Variants in MYH7B observed in about 807,000 individuals in gnomAD.
The protein encoded by MYH7B is myosin heavy chain 7B.
A neutral mutation model predicts 234.5 loss-of-function variants in MYH7B; 205 were observed. The ratio of observed to expected loss-of-function variants is 0.87; its 90% CI spans 0.78 to 0.98. MYH7B has a LOEUF of 0.98. Among genes scored for constraint, MYH7B ranks in the 50% least tolerant of loss-of-function variants. The probability of loss-of-function intolerance (pLI) is 0.00; values close to 1 mark genes in which losing one functional copy is unlikely to be tolerated. For synonymous variants in MYH7B, 1,193 were observed against 1,105.0 expected, an observed-to-expected ratio of 1.08 and a Z score of -1.58; for missense variants, 2,652 against 2,633.4, an observed-to-expected ratio of 1.01 and a Z score of -0.15.
intron 7 of MYH7B, 68 bp from the exon 8 acceptor site, chr20:34,980,510 C>A: frequency 1.4e-6 from 2 of 1,394,406 alleles, no homozygotes; most frequent in Admixed American, 1.7e-5. Context: ...TGTACTCCAG[C>A]CTGGGAGACA....
chr20:34,959,867 C>A (rs74937561), intron 2 of MYH7B, among the ~76,000 whole-genome samples: 2,071 of 152,294 alleles, frequency 0.014, 42 homozygotes, highest in African/African-American at 0.047. Flanking sequence ...TGGCTAATGA[C>A]TTTACAGTCG....
chr20:34,970,500 G>A (rs929879793), intron 2 of MYH7B, among the ~76,000 whole-genome samples: 1 of 152,230 alleles, frequency 6.6e-6, no homozygotes, highest in African/African-American at 2.4e-5. Flanking sequence ...GAGATCATCA[G>A]GTGGCCCTGG....
At chr20:34,977,704 G>A in intron 4 of MYH7B, 24 bp downstream of exon 4, 1 of 1,509,898 alleles carries the variant, frequency 6.6e-7, no homozygotes, top group Non-Finnish European at 9.0e-7. Flanking sequence ...GCTGGGGTTG[G>A]AGCCGAAGGG....
In MYH7B at chr20:34,989,200, T is replaced by A. The variant is rs150511559; in HGVS notation, c.1588-540T>A. Among the ~76,000 whole-genome samples, 31 of 152,356 alleles carry A rather than the reference T, an allele frequency of 2.0e-4. No homozygotes were observed. The East Asian group carries it at 5.8e-3, about 28-fold the overall frequency. ...TGAATGCTGCTCATGGCAAGAGTAG[T>A]TCATGCAGTGGATGAGTTTCATACG... On this transcript the variant is annotated intron_variant, in intron 19 of 44. Coordinates refer to ENST00000262873, the Ensembl canonical transcript of MYH7B.
chr20:34,998,599 G>A, exon 34 of MYH7B: 4 of 1,613,440 alleles, frequency 2.5e-6, no homozygotes, highest in Non-Finnish European at 3.4e-6. Flanking sequence ...GCCTGGAAGA[G>A]TTGCGGCGCC....
rs909012652 is a variant in MYH7B at position 34,998,168 on chromosome 20, T to C, written c.3748-127T>C. 14 of 1,148,228 alleles carry C rather than the reference T, an allele frequency of 1.2e-5. 1 individual carries two copies. In the Middle Eastern group the frequency reaches 8.0e-4, roughly 66 times the overall value. The allele number at this position is 1,148,228 out of a possible 1,614,324, so 71.1% of individuals were successfully genotyped here. On this transcript the variant is annotated intron_variant, in intron 32 of 44. Transcript: ENST00000262873. ...TTCCCTGACTTTGAACTTGGGGCTC[T>C]GCTCTCCCTTTGATTCCTGGGCCCA...
At chr20:34,995,837 C>T (rs2082246589) in intron 28 of MYH7B, among the ~76,000 whole-genome samples, 1 of 152,262 alleles carries the variant, frequency 6.6e-6, no homozygotes. Context: ...GTGTTTAGCA[C>T]ATGCTGGCAA....
chr20:34,978,338 C>G (rs1039861689), intron 5 of MYH7B, among the ~76,000 whole-genome samples: 2 of 152,148 alleles, frequency 1.3e-5, no homozygotes, highest in African/African-American at 4.8e-5. Context: ...ATAATAGCAC[C>G]TGCCTTCCGG....
At chr20:34,984,090 A>G (rs1039448060) in intron 10 of MYH7B, among the ~76,000 whole-genome samples, 1 of 152,142 alleles carries the variant, frequency 6.6e-6, no homozygotes, top group African/African-American at 2.4e-5. Flanking sequence ...TGTGGCCTTG[A>G]GCAGATCCAC....
chr20:34,997,784 T>C, intron 32 of MYH7B, 144 bp downstream of exon 32: 1 of 1,051,262 alleles, frequency 9.5e-7, no homozygotes, highest in Non-Finnish European at 1.3e-6. Context: ...CCCTCATTTC[T>C]CAGCCTCCTA....
intron 1 of MYH7B, among the ~76,000 whole-genome samples, chr20:34,957,859 G>A (rs546772876): frequency 2.2e-4 from 33 of 152,294 alleles, no homozygotes; most frequent in African/African-American, 7.9e-4. Flanking sequence ...CCAGTCTCCC[G>A]TGTGTGGTCA....
At position 34,987,927 on chromosome 20, in the gene MYH7B, C is replaced by T; in HGVS notation, c.1416+13C>T. ...TGAGATCTTTGAGGTGAGGACAGGC[C>T]CTCACCTTGGCCTCTGTTCTCTCCA... On this transcript the variant is annotated intron_variant, in intron 18 of 44. Transcript: ENST00000262873. The T allele has an allele frequency of 3.2e-6, 5 of 1,579,794 alleles. No homozygotes were observed. Among genetic ancestry groups the T allele is most frequent in the Non-Finnish European group, 4.3e-6 (5 of 1,160,948 alleles).
At chr20:34,969,215 G>T (rs1205609381) in intron 2 of MYH7B, among the ~76,000 whole-genome samples, 1 of 152,166 alleles carries the variant, frequency 6.6e-6, no homozygotes, top group African/African-American at 2.4e-5. Flanking sequence ...CACTCTCTGA[G>T]GACCAGCCCT....
At chr20:34,995,013 G>T (rs1433230458) in intron 27 of MYH7B, among the ~76,000 whole-genome samples, 2 of 152,256 alleles carry the variant, frequency 1.3e-5, no homozygotes, top group African/African-American at 4.8e-5. Flanking sequence ...TGGCTGTGCA[G>T]AGGCTGCTGC....
At chr20:34,972,694 A>G (rs2081803667) in intron 2 of MYH7B, among the ~76,000 whole-genome samples, 1 of 152,014 alleles carries the variant, frequency 6.6e-6, no homozygotes, top group African/African-American at 2.4e-5. Flanking sequence ...CAGTGGCATG[A>G]TCTCAGCTCA....
intron 5 of MYH7B, 130 bp downstream of exon 5, chr20:34,978,226 C>T: frequency 1.9e-6 from 2 of 1,071,814 alleles, no homozygotes; most frequent in South Asian, 1.5e-5. Flanking sequence ...GAGCCCTGGA[C>T]CTTTCCTGCA....
At chr20:34,982,646 A>C in intron 10 of MYH7B, 91 bp downstream of exon 10, 1 of 1,144,394 alleles carries the variant, frequency 8.7e-7, no homozygotes, top group African/African-American at 1.6e-5. Context: ...CCCCTTTTTA[A>C]AAATTTTACT....
At chr20:34,989,089 C>T (rs541392322) in intron 19 of MYH7B, among the ~76,000 whole-genome samples, 3 of 152,328 alleles carry the variant, frequency 2.0e-5, no homozygotes, top group African/African-American at 2.4e-5. Context: ...GGATTACAGG[C>T]GTGGGCCACT....
intron 2 of MYH7B, among the ~76,000 whole-genome samples, chr20:34,973,925 A>AT (rs34442200): frequency 0.18 from 22,053 of 121,364 alleles, 2,889 homozygotes; most frequent in Non-Finnish European, 0.28. Flanking sequence ...TGCCTGGCTA[A>AT]TTTTTTTTTT....
Sources: gnomAD v4.1 joint callset for allele counts (sites outside exome capture counted in the v4.1 genomes callset) on GRCh38, gnomAD v4.1.1 for gene constraint, MANE v1.5 for transcripts, NCBI Gene and HGNC (gene_info 2026-07-23, HGNC 2026-07-21) for gene names.